KCNQ3: variants seen among roughly 807,000 people sequenced by gnomAD.
KCNQ3 encodes the protein potassium voltage-gated channel subfamily Q member 3, also known as potassium voltage-gated channel subfamily KQT member 3.
A neutral mutation model predicts 92.5 loss-of-function variants in KCNQ3; 30 were observed. The ratio of observed to expected loss-of-function variants is 0.32; its 90% CI spans 0.24 to 0.44. The LOEUF (loss-of-function observed/expected upper bound fraction) is 0.44. Among genes scored for constraint, KCNQ3 ranks in the 20% least tolerant of loss-of-function variants. The probability of loss-of-function intolerance (pLI) is 1.00; values close to 1 mark genes in which losing one functional copy is unlikely to be tolerated. For missense variants in KCNQ3, 913 were observed against 1,140.3 expected, an observed-to-expected ratio of 0.80 and a Z score of 2.87; for synonymous variants, 450 against 468.8, an observed-to-expected ratio of 0.96 and a Z score of 0.52.
chr8:132,248,354 ATAT>A (rs1815261057), intron 1 of KCNQ3, among the ~76,000 whole-genome samples: 1 of 150,998 alleles, frequency 6.6e-6, no homozygotes, highest in Non-Finnish European at 1.5e-5. Context: ...ATATATATAT[ATAT>A]GATGAGATAG....
chr8:132,347,977 TAAAAAA>T (rs5895138), intron 1 of KCNQ3, among the ~76,000 whole-genome samples: 1 of 78,102 alleles, frequency 1.3e-5, no homozygotes, highest in Non-Finnish European at 2.5e-5. Flanking sequence ...AGACTCCATC[TAAAAAA>T]AAAAAAAAAA....
chr8:132,282,720 C>A lies in KCNQ3; in HGVS notation c.387-96539G>T, dbSNP rs181766891. On this transcript the variant is annotated intron_variant, in intron 1 of 14. Transcript: ENST00000388996. ...ACAAAGGCAGGTGCCACCAGCCCTC[C>A]CTTTCCCTCAGCATCAGTTGTCAAG... Among the ~76,000 whole-genome samples, 337 of 152,340 alleles carry A rather than the reference C, an allele frequency of 2.2e-3. 3 individuals carry two copies. Among genetic ancestry groups the A allele is most frequent in the African/African-American group, 8.0e-3 (331 of 41,592 alleles).
chr8:132,324,695 G>A (rs777702461), intron 1 of KCNQ3, among the ~76,000 whole-genome samples: 10 of 152,100 alleles, frequency 6.6e-5, no homozygotes, highest in African/African-American at 2.4e-4. Flanking sequence ...TGAAACCATC[G>A]CATGGAGAGG....
chr8:132,180,114 G>A, intron 4 of KCNQ3, 43 bp downstream of exon 4: 1 of 1,607,224 alleles, frequency 6.2e-7, no homozygotes, highest in Non-Finnish European at 8.5e-7. Context: ...GCATAGGTGG[G>A]TGGGAAGCCC....
At chr8:132,437,139 C>T (rs1315066366) in intron 1 of KCNQ3, among the ~76,000 whole-genome samples, 4 of 151,474 alleles carry the variant, frequency 2.6e-5, no homozygotes, top group African/African-American at 4.9e-5. Flanking sequence ...ATTAGCCGGG[C>T]GAGGTGGCGG....
chr8:132,215,078 G>A (rs536295407), intron 1 of KCNQ3, among the ~76,000 whole-genome samples: 3 of 152,298 alleles, frequency 2.0e-5, no homozygotes, highest in Admixed American at 6.5e-5. Context: ...GTTCCCCCTG[G>A]CTGGAGAAGG....
At chr8:132,443,460 G>A (rs939259194) in intron 1 of KCNQ3, among the ~76,000 whole-genome samples, 4 of 152,014 alleles carry the variant, frequency 2.6e-5, no homozygotes, top group African/African-American at 9.7e-5. Context: ...TTTAAAAAGG[G>A]GCCTGGATGG....
At chr8:132,168,529 AGGTGTGTGGC>A (rs1385805837) in intron 8 of KCNQ3, among the ~76,000 whole-genome samples, 1 of 152,018 alleles carries the variant, frequency 6.6e-6, no homozygotes, top group Non-Finnish European at 1.5e-5. Context: ...GCAAGATAGG[AGGTGTGTGGC>A]GGTGGTGATC....
chr8:132,179,984 C>G lies in KCNQ3; in HGVS notation c.777+173G>C, dbSNP rs530542713. 4.6e-5 allele frequency among the ~76,000 whole-genome samples: 7 copies of G among 152,308 alleles called. No individual in the cohort carries two copies. The East Asian group carries it at 1.4e-3, about 29-fold the overall frequency. On this transcript the variant is annotated intron_variant, in intron 4 of 14. Coordinates refer to ENST00000388996, the MANE Select transcript of KCNQ3 (RefSeq NM_004519.4). ...TCCCTGAACCACACCTGCTCCTGCC[C>G]CTACCCCAGCCCCGCCACTTCCTGT... is the stretch of plus-strand genomic sequence containing the variant.
At chr8:132,418,991 T>C (rs1465681011) in intron 1 of KCNQ3, among the ~76,000 whole-genome samples, 1 of 152,076 alleles carries the variant, frequency 6.6e-6, no homozygotes, top group Non-Finnish European at 1.5e-5. Context: ...ATCTGTAAAA[T>C]GGGCATTACA....
chr8:132,276,033 GGACCTTGGGTCTTTGC>G (rs1262330728), intron 1 of KCNQ3, among the ~76,000 whole-genome samples: 1 of 152,178 alleles, frequency 6.6e-6, no homozygotes, highest in Non-Finnish European at 1.5e-5. Context: ...CTTGCACCCA[GGACCTTGGGTCTTTGC>G]ACCTCATCTG....
chr8:132,424,396 T>C (rs1377708568), intron 1 of KCNQ3, among the ~76,000 whole-genome samples: 1 of 152,096 alleles, frequency 6.6e-6, no homozygotes, highest in Non-Finnish European at 1.5e-5. Context: ...TGTGTTCCCA[T>C]TTTGTACTCC....
intron 1 of KCNQ3, among the ~76,000 whole-genome samples, chr8:132,239,981 A>T (rs1027808648): frequency 6.6e-5 from 10 of 152,172 alleles, no homozygotes; most frequent in African/African-American, 1.9e-4. Flanking sequence ...ACAGTATTTA[A>T]ATATTGATTC....
chr8:132,217,760 A>G (rs536698119), intron 1 of KCNQ3, among the ~76,000 whole-genome samples: 146 of 151,046 alleles, frequency 9.7e-4, no homozygotes, highest in African/African-American at 3.3e-3. Context: ...ACTATTGAGT[A>G]TCTTTCAATA....
chr8:132,219,873 A>C (rs1030042297), intron 1 of KCNQ3, among the ~76,000 whole-genome samples: 6 of 152,194 alleles, frequency 3.9e-5, no homozygotes, highest in Non-Finnish European at 8.8e-5. Flanking sequence ...AATCCATCTG[A>C]TCAATATACT....
intron 1 of KCNQ3, among the ~76,000 whole-genome samples, chr8:132,297,703 G>A (rs6471052): frequency 0.093 from 14,126 of 152,276 alleles, 830 homozygotes; most frequent in South Asian, 0.16. Context: ...TTTCTGCCTC[G>A]TTCACATGAC....
Position 132,162,198 on chromosome 8 carries a change from C to T in KCNQ3, c.1262+1270G>A, listed in dbSNP as rs191687520. 2.6e-5 allele frequency among the ~76,000 whole-genome samples: 4 copies of T among 152,262 alleles called. No individual in the cohort carries two copies. In the East Asian group the frequency reaches 7.7e-4, roughly 29 times the overall value. On this transcript the variant is annotated intron_variant, in intron 9 of 14. Coordinates refer to ENST00000388996, the MANE Select transcript of KCNQ3 (RefSeq NM_004519.4). The stretch of plus-strand genomic sequence containing the variant: ...GCATCTATCTGAGCCCTAATTAAAC[C>T]GGAAGTGCTGAATCCAGGGCACAGT...
chr8:132,461,362 G>A (rs751538942), intron 1 of KCNQ3, among the ~76,000 whole-genome samples: 6 of 152,034 alleles, frequency 3.9e-5, no homozygotes, highest in Non-Finnish European at 7.4e-5. Flanking sequence ...TCAGGAGTTC[G>A]AGACCGGCCT....
intron 1 of KCNQ3, among the ~76,000 whole-genome samples, chr8:132,242,458 G>C (rs540817474): frequency 6.6e-6 from 1 of 152,270 alleles, no homozygotes; most frequent in South Asian, 2.1e-4. Flanking sequence ...CCTGCCCAGG[G>C]TCACACAACT....
Sources: gnomAD v4.1 joint callset for allele counts (sites outside exome capture counted in the v4.1 genomes callset) on GRCh38, gnomAD v4.1.1 for gene constraint, MANE v1.5 for transcripts, NCBI Gene and HGNC (gene_info 2026-07-23, HGNC 2026-07-21) for gene names.